Variants in P2RY14 observed in about 807,000 individuals in gnomAD.
The protein encoded by P2RY14 is purinergic receptor P2Y14.
Under a neutral mutation model 0.9 loss-of-function variants are expected in P2RY14, and 2 were observed. The ratio of observed to expected loss-of-function variants is 2.16; its 90% CI spans 0.88 to 6.79. P2RY14 has a LOEUF of 6.79. P2RY14 is among the 30% of genes most tolerant of loss of function. P2RY14 has a pLI of 0.05. For missense variants in P2RY14, 378 were observed against 400.1 expected, an observed-to-expected ratio of 0.94 and a Z score of 0.47; for synonymous variants, 158 against 147.2, an observed-to-expected ratio of 1.07 and a Z score of -0.53.
At chr3:151,273,934 CAG>C (rs1293080411) in intron 1 of P2RY14, among the ~76,000 whole-genome samples, 3 of 152,194 alleles carry the variant, frequency 2.0e-5, no homozygotes, top group African/African-American at 7.2e-5. Flanking sequence ...GAGGCTAAGA[CAG>C]AGTCTTTTCT....
intron 1 of P2RY14, among the ~76,000 whole-genome samples, chr3:151,259,425 TC>T (rs1452360882): frequency 3.3e-5 from 5 of 152,200 alleles, no homozygotes; most frequent in Non-Finnish European, 5.9e-5. Context: ...AGGGTGGTCT[TC>T]TAACTTATTA....
chr3:151,247,011 A>G (rs937626679), intron 1 of P2RY14, among the ~76,000 whole-genome samples: 1 of 152,236 alleles, frequency 6.6e-6, no homozygotes, highest in African/African-American at 2.4e-5. Flanking sequence ...CAAAAAACAC[A>G]TGAAAAAATC....
intron 1 of P2RY14, among the ~76,000 whole-genome samples, chr3:151,220,202 A>G (rs1449364520): frequency 6.6e-6 from 1 of 150,994 alleles, no homozygotes; most frequent in African/African-American, 2.4e-5. Flanking sequence ...GAGGGACAAA[A>G]TTGCCCTCAT....
chr3:151,255,125 G>T (rs1017453407), intron 1 of P2RY14, among the ~76,000 whole-genome samples: 24 of 152,084 alleles, frequency 1.6e-4, no homozygotes, highest in African/African-American at 5.8e-4. Flanking sequence ...TCACAAATAG[G>T]CAGGCTGAAG....
At chr3:151,232,923 AT>A (rs1053117557) in intron 1 of P2RY14, among the ~76,000 whole-genome samples, 9 of 152,100 alleles carry the variant, frequency 5.9e-5, no homozygotes, top group Admixed American at 5.2e-4. Flanking sequence ...TTGAAACTAA[AT>A]TTTTTTTAAT....
At chr3:151,224,365 G>A (rs1730052541) in intron 1 of P2RY14, among the ~76,000 whole-genome samples, 1 of 151,294 alleles carries the variant, frequency 6.6e-6, no homozygotes, top group African/African-American at 2.4e-5. Flanking sequence ...TAGTATAGAT[G>A]TATGTAATCA....
At chr3:151,262,385 GAT>G (rs1739074017) in intron 1 of P2RY14, among the ~76,000 whole-genome samples, 2 of 152,210 alleles carry the variant, frequency 1.3e-5, no homozygotes, top group African/African-American at 2.4e-5. Context: ...TGCACACTGA[GAT>G]ATCTCCAGAC....
intron 1 of P2RY14, among the ~76,000 whole-genome samples, chr3:151,244,833 GT>G (rs1404154297): frequency 5.9e-5 from 9 of 152,018 alleles, no homozygotes; most frequent in Admixed American, 5.9e-4. Context: ...CCAGGAGCTG[GT>G]TTTTTTGAAA....
chr3:151,259,330 A>G (rs1397370469), intron 1 of P2RY14, among the ~76,000 whole-genome samples: 1 of 152,186 alleles, frequency 6.6e-6, no homozygotes, highest in African/African-American at 2.4e-5. Context: ...TTAAGGAGGA[A>G]TTTTCTGATC....
chr3:151,228,840 G>T (rs571884100), intron 1 of P2RY14, among the ~76,000 whole-genome samples: 1 of 152,300 alleles, frequency 6.6e-6, no homozygotes, highest in South Asian at 2.1e-4. Context: ...TTTCCAGCCT[G>T]TTCTTCTGCA....
intron 1 of P2RY14, among the ~76,000 whole-genome samples, chr3:151,220,457 T>A (rs1729120949): frequency 6.6e-6 from 1 of 152,162 alleles, no homozygotes; most frequent in South Asian, 2.1e-4. Context: ...TGTCTGGAGT[T>A]TGGCACGTGA....
chr3:151,268,511 A>G (rs1740264028), intron 1 of P2RY14, among the ~76,000 whole-genome samples: 1 of 152,228 alleles, frequency 6.6e-6, no homozygotes, highest in Non-Finnish European at 1.5e-5. Context: ...TGAGTTCTAA[A>G]TGGAAGCTTC....
At chr3:151,216,771 A>G (rs1472219966) in intron 2 of P2RY14, among the ~76,000 whole-genome samples, 2 of 152,116 alleles carry the variant, frequency 1.3e-5, no homozygotes, top group Admixed American at 6.5e-5. Flanking sequence ...CCTGTTTCAT[A>G]TTTTAAAAGA....
intron 1 of P2RY14, among the ~76,000 whole-genome samples, chr3:151,268,948 C>T (rs1160994284): frequency 2.6e-5 from 4 of 152,154 alleles, no homozygotes; most frequent in African/African-American, 7.2e-5. Flanking sequence ...GTCTTCCTGA[C>T]GAGAAAGAAG....
chr3:151,264,910 T>C (rs186760679), intron 1 of P2RY14, among the ~76,000 whole-genome samples: 412 of 151,976 alleles, frequency 2.7e-3, no homozygotes, highest in African/African-American at 9.4e-3. Context: ...GCCCTTCTCT[T>C]GTAGCCACAC....
intron 2 of P2RY14, among the ~76,000 whole-genome samples, chr3:151,214,759 G>T (rs1012038266): frequency 6.6e-6 from 1 of 152,082 alleles, no homozygotes; most frequent in Non-Finnish European, 1.5e-5. Context: ...AATAATAATG[G>T]TTCCCTATAA....
chr3:151,253,732 G>A (rs1577134099), intron 1 of P2RY14, among the ~76,000 whole-genome samples: 1 of 152,190 alleles, frequency 6.6e-6, no homozygotes, highest in Non-Finnish European at 1.5e-5. Context: ...TGGGGAATGG[G>A]GTGGGGCAGG....
chr3:151,236,859 T>C (rs1732923477), intron 1 of P2RY14, among the ~76,000 whole-genome samples: 1 of 152,176 alleles, frequency 6.6e-6, no homozygotes, highest in East Asian at 1.9e-4. Context: ...TGTGACCATA[T>C]CATAGTTAAT....
chr3:151,230,323 A>G (rs1464129050), intron 1 of P2RY14, among the ~76,000 whole-genome samples: 4 of 152,192 alleles, frequency 2.6e-5, no homozygotes, highest in African/African-American at 7.2e-5. Flanking sequence ...TCCACTTGTG[A>G]TATTTCACCT....
Sources: allele counts gnomAD v4.1 joint callset (sites outside exome capture counted in the v4.1 genomes callset), GRCh38; gene constraint gnomAD v4.1.1; transcripts MANE v1.5; gene names NCBI Gene and HGNC (gene_info 2026-07-23, HGNC 2026-07-21).